Variants in HS6ST3 observed in about 807,000 individuals in gnomAD.
HS6ST3 encodes the protein heparan sulfate 6-O-sulfotransferase 3.
A neutral mutation model predicts 36.7 loss-of-function variants in HS6ST3; 12 were observed. The observed-to-expected ratio is 0.33, with a 90% CI of 0.21 to 0.53. The LOEUF (loss-of-function observed/expected upper bound fraction) is 0.53, where lower values mean the gene tolerates loss of function less well. Ranked by LOEUF, HS6ST3 falls within the 20% of genes least tolerant of loss-of-function variation. HS6ST3 has a pLI of 0.95. For synonymous variants in HS6ST3, 240 were observed against 257.5 expected (o/e 0.93, Z 0.65); for missense variants, 584 against 640.9 (o/e 0.91, Z 0.96).
At chr13:96,512,673 T>A (rs1048253053) in intron 1 of HS6ST3, among the ~76,000 whole-genome samples, 5 of 152,202 alleles carry the variant, frequency 3.3e-5, no homozygotes, top group Non-Finnish European at 7.3e-5. Flanking sequence ...TTATTAGTTA[T>A]TTTTTCTAGT....
At chr13:96,613,264 A>G (rs1381992946) in intron 1 of HS6ST3, among the ~76,000 whole-genome samples, 1 of 152,232 alleles carries the variant, frequency 6.6e-6, no homozygotes, top group African/African-American at 2.4e-5. Context: ...ATGTTAACTC[A>G]TTTAATATGC....
rs183600890 is a variant in HS6ST3, at chr13:96,496,858, T to G, written c.708-335632T>G. Among the ~76,000 whole-genome samples the G allele has an allele frequency of 3.9e-5, 6 of 152,236 alleles. No individual in the cohort carries two copies. In the East Asian group the frequency reaches 1.2e-3, roughly 29 times the overall value. On this transcript the variant is annotated intron_variant, in intron 1 of 1. Coordinates refer to ENST00000376705, the MANE Select transcript of HS6ST3 (RefSeq NM_153456.4). ...AATAAACTTAGGTCTGTAGAGGTCC[T>G]TGTCAGTGGGGATGGAAAGAAAGCC...
chr13:96,818,186 C>T (rs577871609), intron 1 of HS6ST3, among the ~76,000 whole-genome samples: 23 of 152,274 alleles, frequency 1.5e-4, no homozygotes, highest in Admixed American at 1.2e-3. Flanking sequence ...TTAAACAGAA[C>T]GAATTGATTT....
intron 1 of HS6ST3, among the ~76,000 whole-genome samples, chr13:96,280,005 T>G (rs193237194): frequency 1.3e-5 from 2 of 152,334 alleles, no homozygotes; most frequent in Admixed American, 1.3e-4. Context: ...TTTGCTCCTG[T>G]GGCTTCAACT....
At chr13:96,235,584 A>G (rs1243219185) in intron 1 of HS6ST3, among the ~76,000 whole-genome samples, 1 of 152,108 alleles carries the variant, frequency 6.6e-6, no homozygotes, top group African/African-American at 2.4e-5. Context: ...AAAAGGGCGT[A>G]GCATGGGTTG....
chr13:96,205,141 G>T (rs2054363578), intron 1 of HS6ST3, among the ~76,000 whole-genome samples: 1 of 151,692 alleles, frequency 6.6e-6, no homozygotes, highest in East Asian at 1.9e-4. Context: ...AGAAATAAGG[G>T]GGGTATTACC....
intron 1 of HS6ST3, among the ~76,000 whole-genome samples, chr13:96,121,477 C>T (rs2053925066): frequency 6.6e-6 from 1 of 152,208 alleles, no homozygotes; most frequent in Non-Finnish European, 1.5e-5. Context: ...TGGGCACCCT[C>T]CTTCCCTTTG....
chr13:96,214,584 T>A (rs2054414903), intron 1 of HS6ST3, among the ~76,000 whole-genome samples: 1 of 152,228 alleles, frequency 6.6e-6, no homozygotes, highest in Non-Finnish European at 1.5e-5. Context: ...TACATTATTT[T>A]TAATTTTTAA....
chr13:96,457,877 C>T (rs2055761874), intron 1 of HS6ST3, among the ~76,000 whole-genome samples: 1 of 151,894 alleles, frequency 6.6e-6, no homozygotes, highest in South Asian at 2.1e-4. Context: ...TCTTTTTTTA[C>T]AATCATGTCA....
At chr13:96,215,007 T>C (rs577569752) in intron 1 of HS6ST3, among the ~76,000 whole-genome samples, 1 of 152,234 alleles carries the variant, frequency 6.6e-6, no homozygotes, top group Non-Finnish European at 1.5e-5. Flanking sequence ...GCCCTCCCAC[T>C]TCCTCCCCGC....
At chr13:96,224,083 G>T (rs11620269) in intron 1 of HS6ST3, among the ~76,000 whole-genome samples, 1 of 151,740 alleles carries the variant, frequency 6.6e-6, no homozygotes, top group Non-Finnish European at 1.5e-5. Flanking sequence ...ATAGCAACCA[G>T]CTGTCCATCC....
intron 1 of HS6ST3, among the ~76,000 whole-genome samples, chr13:96,771,123 G>A (rs1877252368): frequency 6.6e-6 from 1 of 152,080 alleles, no homozygotes; most frequent in African/African-American, 2.4e-5. Context: ...ACCCAGTAAT[G>A]GGATTGCTAG....
At chr13:96,500,198 C>T (rs774199247) in intron 1 of HS6ST3, among the ~76,000 whole-genome samples, 3 of 152,156 alleles carry the variant, frequency 2.0e-5, no homozygotes, top group Admixed American at 1.3e-4. Context: ...TCCTTTGTGA[C>T]TGGCTTCTTT....
At chr13:96,529,433 A>G (rs934418800) in intron 1 of HS6ST3, among the ~76,000 whole-genome samples, 7 of 152,176 alleles carry the variant, frequency 4.6e-5, no homozygotes, top group Admixed American at 2.0e-4. Context: ...TTTACAAGGT[A>G]GAACCTGAAA....
chr13:96,456,977 A>G (rs1001455536), intron 1 of HS6ST3, among the ~76,000 whole-genome samples: 4 of 152,212 alleles, frequency 2.6e-5, no homozygotes, highest in Admixed American at 2.0e-4. Flanking sequence ...AATCCTTAGC[A>G]TGTGCAAATG....
At chr13:96,199,583 C>G (rs990306171) in intron 1 of HS6ST3, among the ~76,000 whole-genome samples, 2 of 152,072 alleles carry the variant, frequency 1.3e-5, no homozygotes, top group Non-Finnish European at 2.9e-5. Flanking sequence ...CATTAAATAT[C>G]TATTGATTTT....
At chr13:96,383,191 C>A (rs1566344501) in intron 1 of HS6ST3, among the ~76,000 whole-genome samples, 1 of 151,982 alleles carries the variant, frequency 6.6e-6, no homozygotes, top group Non-Finnish European at 1.5e-5. Flanking sequence ...GTGGCTCACT[C>A]CTGTAATCCC....
At chr13:96,798,256 C>T (rs773105369) in intron 1 of HS6ST3, among the ~76,000 whole-genome samples, 2 of 152,086 alleles carry the variant, frequency 1.3e-5, no homozygotes, top group Non-Finnish European at 2.9e-5. Context: ...GCTCCCCAAA[C>T]ACTGTCTTTG....
chr13:96,144,963 C>A (rs972245979), intron 1 of HS6ST3, among the ~76,000 whole-genome samples: 5 of 151,466 alleles, frequency 3.3e-5, no homozygotes, highest in Admixed American at 3.3e-4. Flanking sequence ...TATGTTCCTA[C>A]AAAGGACATG....
Sources: allele counts gnomAD v4.1 joint callset (sites outside exome capture counted in the v4.1 genomes callset), GRCh38; gene constraint gnomAD v4.1.1; transcripts MANE v1.5; gene names NCBI Gene and HGNC (gene_info 2026-07-23, HGNC 2026-07-21).